The following PPARGC1A variants were observed in gnomAD, a reference collection of about 807,000 sequenced individuals.
PPARGC1A encodes the protein peroxisome proliferator-activated receptor gamma coactivator 1-alpha.
A neutral mutation model predicts 88.7 loss-of-function variants in PPARGC1A; 25 were observed. The observed-to-expected ratio is 0.28, with a 90% CI of 0.21 to 0.39. The LOEUF is 0.39. Among genes scored for constraint, PPARGC1A ranks in the 10% least tolerant of loss-of-function variants. PPARGC1A has a pLI of 1.00. For synonymous variants in PPARGC1A, 363 were observed against 355.6 expected, an observed-to-expected ratio of 1.02 and a Z score of -0.24; for missense variants, 880 against 968.7, an observed-to-expected ratio of 0.91 and a Z score of 1.22.
At chr4:24,429,265 G>A in the PPARGC1A span, among the ~76,000 whole-genome samples, 63 of 150,134 alleles carry the variant, frequency 4.2e-4, no homozygotes, top group African/African-American at 1.5e-3. Flanking sequence ...CTCTCCCTCT[G>A]TTTCACACAC....
the PPARGC1A span, among the ~76,000 whole-genome samples, chr4:24,153,428 T>C: frequency 6.6e-6 from 1 of 152,082 alleles, no homozygotes; most frequent in Non-Finnish European, 1.5e-5. Flanking sequence ...TGAAATTAAA[T>C]AGTGTAGATT....
the PPARGC1A span, among the ~76,000 whole-genome samples, chr4:24,312,000 G>A: frequency 6.6e-6 from 1 of 152,112 alleles, no homozygotes; most frequent in South Asian, 2.1e-4. Flanking sequence ...AATCCCCCAC[G>A]GGAACCCACA....
chr4:24,246,814 T>C, the PPARGC1A span, among the ~76,000 whole-genome samples: 3 of 152,176 alleles, frequency 2.0e-5, no homozygotes, highest in Admixed American at 2.0e-4. Context: ...ATGGGGAACC[T>C]GCTCTAGAGC....
chr4:24,253,533 A>G, the PPARGC1A span, among the ~76,000 whole-genome samples: 3 of 152,186 alleles, frequency 2.0e-5, no homozygotes, highest in African/African-American at 7.2e-5. Context: ...TAGCTTTGAA[A>G]TTTTTCAAAA....
the PPARGC1A span, among the ~76,000 whole-genome samples, chr4:24,372,155 T>C: frequency 1.3e-5 from 2 of 152,254 alleles, no homozygotes; most frequent in African/African-American, 4.8e-5. Context: ...CTAAGGCACA[T>C]GAGCTACATT....
At chr4:24,199,956 G>A in the PPARGC1A span, among the ~76,000 whole-genome samples, 2 of 151,988 alleles carry the variant, frequency 1.3e-5, no homozygotes, top group African/African-American at 4.8e-5. Flanking sequence ...AAAAACTGAG[G>A]GGAAAACCTA....
At chr4:23,952,226 G>C in the PPARGC1A span, among the ~76,000 whole-genome samples, 2 of 152,134 alleles carry the variant, frequency 1.3e-5, no homozygotes, top group African/African-American at 4.8e-5. Context: ...TCATCTGAAA[G>C]AGAAAACAGG....
At chr4:24,410,470 C>A in the PPARGC1A span, among the ~76,000 whole-genome samples, 2,041 of 152,276 alleles carry the variant, frequency 0.013, 62 homozygotes, top group East Asian at 0.11. Context: ...CTGCCCCCAC[C>A]AACTAATTTT....
the PPARGC1A span, among the ~76,000 whole-genome samples, chr4:24,396,060 G>C: frequency 1.3e-5 from 2 of 152,012 alleles, no homozygotes; most frequent in African/African-American, 4.8e-5. Flanking sequence ...ACAGGTGTCC[G>C]AGAGACTCAA....
intron 1 of PPARGC1A, among the ~76,000 whole-genome samples, chr4:23,896,144 C>G (rs1045930259): frequency 6.6e-6 from 1 of 151,960 alleles, no homozygotes; most frequent in African/African-American, 2.4e-5. Context: ...AATATATCCT[C>G]AGAAAGAAGA....
chr4:24,143,888 AC>A, the PPARGC1A span, among the ~76,000 whole-genome samples: 1 of 152,336 alleles, frequency 6.6e-6, no homozygotes, highest in African/African-American at 2.4e-5. Context: ...AATTTCAGGA[AC>A]CTGGCAGTCT....
At chr4:24,365,667 C>A in the PPARGC1A span, among the ~76,000 whole-genome samples, 141 of 152,258 alleles carry the variant, frequency 9.3e-4, no homozygotes, top group Non-Finnish European at 1.5e-3. Flanking sequence ...CAGATAAATT[C>A]CAGTTGGGCT....
the PPARGC1A span, among the ~76,000 whole-genome samples, chr4:24,174,744 T>A: frequency 6.6e-6 from 1 of 152,168 alleles, no homozygotes; most frequent in Non-Finnish European, 1.5e-5. Context: ...GTTGCCTTTG[T>A]CATCTAACTC....
At chr4:23,980,834 G>C in the PPARGC1A span, among the ~76,000 whole-genome samples, 125 of 152,274 alleles carry the variant, frequency 8.2e-4, 1 homozygote, top group African/African-American at 3.0e-3. Context: ...CATGGGTGCA[G>C]AACTTAGATC....
At chr4:24,370,817 G>C in the PPARGC1A span, among the ~76,000 whole-genome samples, 1 of 129,862 alleles carries the variant, frequency 7.7e-6, no homozygotes, top group Non-Finnish European at 1.6e-5. Context: ...AGAACATGCA[G>C]GTTTGTTACA....
chr4:24,099,232 A>C, the PPARGC1A span, among the ~76,000 whole-genome samples: 1 of 149,076 alleles, frequency 6.7e-6, no homozygotes, highest in Admixed American at 6.7e-5. Context: ...CAAAAGGGCT[A>C]TACGATATAT....
At chr4:23,954,732 G>C in the PPARGC1A span, among the ~76,000 whole-genome samples, 1 of 151,950 alleles carries the variant, frequency 6.6e-6, no homozygotes, top group East Asian at 1.9e-4. Context: ...GCAATATTCT[G>C]TTCTTTTTAT....
the PPARGC1A span, among the ~76,000 whole-genome samples, chr4:23,913,155 T>A: frequency 1.4e-5 from 2 of 145,960 alleles, no homozygotes; most frequent in South Asian, 2.2e-4. Context: ...ACACTCTCTC[T>A]CTCTCAACTG....
chr4:24,324,920 T>C, the PPARGC1A span, among the ~76,000 whole-genome samples: 2 of 152,100 alleles, frequency 1.3e-5, no homozygotes, highest in African/African-American at 4.8e-5. Flanking sequence ...TAGGTCCCAA[T>C]AATTCCTCAG....
Sources: allele counts gnomAD v4.1 joint callset (sites outside exome capture counted in the v4.1 genomes callset), GRCh38; gene constraint gnomAD v4.1.1; transcripts MANE v1.5; gene names NCBI Gene and HGNC (gene_info 2026-07-23, HGNC 2026-07-21).